SOX5: variants seen among roughly 807,000 people sequenced by gnomAD.
The protein encoded by SOX5 is SRY-box transcription factor 5, also known as transcription factor SOX-5.
SOX5 carries 9 observed loss-of-function variants against 92.0 expected under a neutral mutation model. That is an observed-to-expected ratio of 0.10 (90% CI 0.06 to 0.17). The LOEUF is 0.17. Among genes scored for constraint, SOX5 ranks in the 10% least tolerant of loss-of-function variants. SOX5 has a pLI of 1.00. For synonymous variants in SOX5, 344 were observed against 336.3 expected, an observed-to-expected ratio of 1.02 and a Z score of -0.25; for missense variants, 642 against 944.5, an observed-to-expected ratio of 0.68 and a Z score of 4.20.
chr12:24,539,115 C>A (rs1951895034), intron 1 of SOX5, among the ~76,000 whole-genome samples: 1 of 151,948 alleles, frequency 6.6e-6, no homozygotes, highest in Admixed American at 6.6e-5. Flanking sequence ...GAAAACAAAA[C>A]TTTACAAAAA....
chr12:24,210,017 CAAAAAAAAAAAAA>C (rs1173723179), intron 4 of SOX5, among the ~76,000 whole-genome samples: 6 of 62,692 alleles, frequency 9.6e-5, no homozygotes, highest in African/African-American at 3.2e-4. Context: ...GACTCCGTCT[CAAAAAAAAAAAAA>C]AAAAAAAAAA....
At chr12:23,594,926 C>T (rs1355621358) in intron 9 of SOX5, among the ~76,000 whole-genome samples, 1 of 152,150 alleles carries the variant, frequency 6.6e-6, no homozygotes. Context: ...TCAGAGAGGG[C>T]TTCCCTTAAA....
At chr12:24,054,952 G>A (rs541405542) in intron 4 of SOX5, among the ~76,000 whole-genome samples, 1 of 152,182 alleles carries the variant, frequency 6.6e-6, no homozygotes, top group South Asian at 2.1e-4. Flanking sequence ...GAGCAAATGA[G>A]GAATGGGAAT....
chr12:23,969,163 T>C (rs1184903219), intron 4 of SOX5, among the ~76,000 whole-genome samples: 2 of 152,210 alleles, frequency 1.3e-5, no homozygotes, highest in African/African-American at 2.4e-5. Flanking sequence ...AATCTATTGA[T>C]TCTCCAAGTC....
At chr12:23,896,666 A>G (rs1391905219) in intron 1 of SOX5, among the ~76,000 whole-genome samples, 7 of 151,742 alleles carry the variant, frequency 4.6e-5, no homozygotes, top group Middle Eastern at 3.4e-3. Flanking sequence ...CATCTCCCCA[A>G]ATTACCCAAT....
At chr12:23,972,264 C>T (rs4963734) in intron 4 of SOX5, among the ~76,000 whole-genome samples, 129,550 of 152,220 alleles carry the variant, frequency 0.85, 55,542 homozygotes, top group East Asian at 0.98. Flanking sequence ...ATAAACATTT[C>T]AGGGTATCAG....
At chr12:24,060,491 T>TA (rs1344714917) in intron 4 of SOX5, among the ~76,000 whole-genome samples, 17 of 152,246 alleles carry the variant, frequency 1.1e-4, no homozygotes, top group African/African-American at 4.1e-4. Context: ...GCAAAGTTCT[T>TA]ACATTTTTTA....
intron 1 of SOX5, among the ~76,000 whole-genome samples, chr12:24,476,382 C>T (rs191058478): frequency 1.3e-3 from 193 of 152,316 alleles, no homozygotes; most frequent in African/African-American, 4.2e-3. Context: ...CAGATCTTTG[C>T]AAAGCGCTCA....
chr12:24,494,256 G>C (rs1440061753), intron 1 of SOX5, among the ~76,000 whole-genome samples: 1 of 152,140 alleles, frequency 6.6e-6, no homozygotes, highest in African/African-American at 2.4e-5. Flanking sequence ...AGCTCCTCTT[G>C]CACCTATAAA....
At chr12:24,147,858 T>C (rs1361185989) in intron 4 of SOX5, among the ~76,000 whole-genome samples, 2 of 152,238 alleles carry the variant, frequency 1.3e-5, no homozygotes, top group African/African-American at 4.8e-5. Flanking sequence ...GTATAAGACC[T>C]ACATATTGAA....
intron 8 of SOX5, among the ~76,000 whole-genome samples, chr12:23,605,788 C>T (rs1013265488): frequency 2.6e-5 from 4 of 151,692 alleles, no homozygotes; most frequent in African/African-American, 9.7e-5. Flanking sequence ...ACATAAGTCT[C>T]CAGATACTAT....
intron 1 of SOX5, among the ~76,000 whole-genome samples, chr12:23,932,755 G>A (rs749975332): frequency 4.0e-5 from 6 of 151,228 alleles, no homozygotes; most frequent in East Asian, 1.9e-4. Context: ...CAATGTTTTC[G>A]GTTACAGCAA....
At chr12:24,457,590 G>A (rs1943160349) in intron 1 of SOX5, among the ~76,000 whole-genome samples, 3 of 152,224 alleles carry the variant, frequency 2.0e-5, no homozygotes, top group South Asian at 4.1e-4. Context: ...AGTATTTGTA[G>A]TTTTATGAGC....
intron 2 of SOX5, among the ~76,000 whole-genome samples, chr12:24,282,931 T>G (rs1164387786): frequency 2.0e-5 from 3 of 152,340 alleles, no homozygotes; most frequent in African/African-American, 7.2e-5. Flanking sequence ...CATAAATAAA[T>G]CACACTGTGT....
chr12:23,753,543 ACAATT>A (rs2094253341), intron 4 of SOX5, among the ~76,000 whole-genome samples: 1 of 151,816 alleles, frequency 6.6e-6, no homozygotes. Context: ...TTCATAAATA[ACAATT>A]CAATACATTC....
intron 2 of SOX5, among the ~76,000 whole-genome samples, chr12:24,292,730 T>C (rs1835210071): frequency 6.6e-6 from 1 of 152,260 alleles, no homozygotes; most frequent in African/African-American, 2.4e-5. Context: ...GGCAAGGCCA[T>C]GTAATATTCT....
At chr12:24,117,567 A>C (rs1245988364) in intron 4 of SOX5, among the ~76,000 whole-genome samples, 1 of 152,204 alleles carries the variant, frequency 6.6e-6, no homozygotes. Context: ...AAAGCAACCT[A>C]AGTGTTCATC....
At position 23,999,245 on chromosome 12, in the gene SOX5, C is replaced by A. The variant is rs544675829; in HGVS notation, c.-1-103221G>T. Among the ~76,000 whole-genome samples, 3 of 149,830 alleles carry A rather than the reference C, an allele frequency of 2.0e-5. No homozygotes were observed. In the South Asian group the frequency reaches 6.4e-4, roughly 32 times the overall value. On this transcript the variant is annotated intron_variant, in intron 4 of 4. Transcript: ENST00000446891. The stretch of plus-strand genomic sequence containing the variant: ...ACGTGATCTCACTTATATGTAGTAT[C>A]TTTAAAAAAATGAATGCTTAGAAGC...
intron 7 of SOX5, among the ~76,000 whole-genome samples, chr12:23,654,702 G>A (rs576175772): frequency 2.6e-5 from 4 of 152,088 alleles, no homozygotes; most frequent in East Asian, 1.9e-4. Context: ...TTCGAAATGT[G>A]GAAGATCTGT....
Sources: allele counts gnomAD v4.1 joint callset (sites outside exome capture counted in the v4.1 genomes callset), GRCh38; gene constraint gnomAD v4.1.1; transcripts MANE v1.5; gene names NCBI Gene and HGNC (gene_info 2026-07-23, HGNC 2026-07-21).